The following GSDMC variants were observed in gnomAD, a reference collection of about 807,000 sequenced individuals.
GSDMC encodes gasdermin C.
In GSDMC, 59 loss-of-function variants were observed where a neutral mutation model predicts 58.0. The ratio of observed to expected loss-of-function variants is 1.02; its 90% confidence interval spans 0.82 to 1.26. The LOEUF (loss-of-function observed/expected upper bound fraction) is 1.26, where lower values mean the gene tolerates loss of function less well. GSDMC is among the 50% of genes most tolerant of loss of function. The pLI, the probability that GSDMC is intolerant of heterozygous loss-of-function variation, is 0.00. For synonymous variants in GSDMC, 241 were observed against 220.2 expected (o/e 1.09, Z -0.83); for missense variants, 659 against 598.5 (o/e 1.10, Z -1.06).
intron 8 of GSDMC, 91 bp downstream of exon 8, chr8:129,752,015 C>T: frequency 1.2e-5 from 18 of 1,461,956 alleles, no homozygotes; most frequent in Non-Finnish European, 1.5e-5. Context: ...AGAGGCCAGA[C>T]CCCAAGACTT....
chr8:129,715,366 G>A, the GSDMC span, among the ~76,000 whole-genome samples: 2 of 151,832 alleles, frequency 1.3e-5, no homozygotes, highest in East Asian at 3.9e-4. Context: ...TGTAATATAG[G>A]AACACAAAAA....
the GSDMC span, chr8:129,729,190 A>C: frequency 1.5e-6 from 1 of 660,222 alleles, no homozygotes; most frequent in Non-Finnish European, 2.9e-6. Flanking sequence ...GTCAGCAATA[A>C]GCTGCATTTA....
chr8:129,712,843 G>A, the GSDMC span, among the ~76,000 whole-genome samples: 5 of 152,226 alleles, frequency 3.3e-5, no homozygotes, highest in African/African-American at 7.2e-5. Context: ...GGGCAGCAGG[G>A]AGGCTCAGAG....
At chr8:129,777,977 T>C (rs2034294590) in intron 1 of GSDMC, among the ~76,000 whole-genome samples, 1 of 152,156 alleles carries the variant, frequency 6.6e-6, no homozygotes, top group Non-Finnish European at 1.5e-5. Flanking sequence ...AAAGCCTGGG[T>C]ATCTCCTCAC....
chr8:129,716,445 T>C, the GSDMC span, among the ~76,000 whole-genome samples: 1 of 152,160 alleles, frequency 6.6e-6, no homozygotes, highest in Non-Finnish European at 1.5e-5. Context: ...TAGGAATGCT[T>C]GTGATTTTTG....
At chr8:129,712,768 C>A in the GSDMC span, among the ~76,000 whole-genome samples, 1 of 152,196 alleles carries the variant, frequency 6.6e-6, no homozygotes, top group Non-Finnish European at 1.5e-5. Flanking sequence ...ACAGGCAACC[C>A]AAGTGAGACC....
At chr8:129,751,690 A>C (rs2033198796) in intron 9 of GSDMC, 122 bp from the exon 10 acceptor site, 2 of 1,097,418 alleles carry the variant, frequency 1.8e-6, no homozygotes, top group South Asian at 1.3e-5. Context: ...TCCTGCCCCC[A>C]TTCCCATTCA....
chr8:129,708,313 G>C, the GSDMC span, among the ~76,000 whole-genome samples: 120 of 152,328 alleles, frequency 7.9e-4, no homozygotes, highest in African/African-American at 2.7e-3. Context: ...ACCCAGGCTA[G>C]TTAGGCCAGG....
At chr8:129,777,641 T>A in intron 1 of GSDMC, 50 bp from the exon 2 acceptor site, 8 of 924,560 alleles carry the variant, frequency 8.7e-6, no homozygotes, top group Non-Finnish European at 1.4e-5. Flanking sequence ...AGAAAATGGT[T>A]AAACTCTCAC....
At chr8:129,781,515 C>T (rs559096076) in intron 1 of GSDMC, among the ~76,000 whole-genome samples, 30 of 152,198 alleles carry the variant, frequency 2.0e-4, no homozygotes, top group South Asian at 4.1e-4. Context: ...GAGGCCGAGA[C>T]GGGCAGATCA....
At chr8:129,752,212 C>G in intron 7 of GSDMC, 65 bp from the exon 8 acceptor site, 5 of 1,226,816 alleles carry the variant, frequency 4.1e-6, no homozygotes, top group Non-Finnish European at 6.0e-6. Flanking sequence ...TCCTCCTCTA[C>G]TTCTTTCCCT....
chr8:129,725,788 A>G, the GSDMC span, among the ~76,000 whole-genome samples: 1 of 152,182 alleles, frequency 6.6e-6, no homozygotes, highest in Admixed American at 6.5e-5. Context: ...AATGAAGCTC[A>G]AAGATTTTGA....
At chr8:129,719,603 C>T in the GSDMC span, among the ~76,000 whole-genome samples, 33 of 152,222 alleles carry the variant, frequency 2.2e-4, no homozygotes, top group African/African-American at 6.5e-4. Flanking sequence ...GGAATACTTA[C>T]GGAGGTAGAT....
intron 13 of GSDMC, among the ~76,000 whole-genome samples, chr8:129,748,963 TC>T (rs111527332): frequency 0.2 from 31,027 of 152,006 alleles, 3,613 homozygotes; most frequent in Middle Eastern, 0.27. Context: ...AAAATAAAAC[TC>T]CCCTTGTAGA....
At chr8:129,743,530 C>G (rs2032906743), downstream of GSDMC, among the ~76,000 whole-genome samples, 1 of 152,200 alleles carries the variant, frequency 6.6e-6, no homozygotes, top group African/African-American at 2.4e-5. Flanking sequence ...AGCTAACCCA[C>G]CATCGTCATC....
At chr8:129,720,553 CT>C in the GSDMC span, among the ~76,000 whole-genome samples, 1 of 152,098 alleles carries the variant, frequency 6.6e-6, no homozygotes, top group Non-Finnish European at 1.5e-5. Flanking sequence ...GTTATTCTAT[CT>C]GTATATATAC....
intron 6 of GSDMC, among the ~76,000 whole-genome samples, chr8:129,755,387 T>G (rs912575883): frequency 1.3e-5 from 2 of 152,140 alleles, no homozygotes; most frequent in Non-Finnish European, 2.9e-5. Context: ...CCTCCAAGGA[T>G]GAAGGAGAAA....
At chr8:129,769,425 T>C (rs1240006501) in intron 3 of GSDMC, among the ~76,000 whole-genome samples, 1 of 152,192 alleles carries the variant, frequency 6.6e-6, no homozygotes, top group Non-Finnish European at 1.5e-5. Context: ...TAAGAGAATA[T>C]GACAGACTGG....
chr8:129,722,355 G>C, the GSDMC span, among the ~76,000 whole-genome samples: 1 of 152,136 alleles, frequency 6.6e-6, no homozygotes, highest in African/African-American at 2.4e-5. Context: ...TTTTATTTCT[G>C]GTAGCCCAAC....
Sources: allele counts gnomAD v4.1 joint callset (sites outside exome capture counted in the v4.1 genomes callset), GRCh38; gene constraint gnomAD v4.1.1; transcripts MANE v1.5; gene names NCBI Gene and HGNC (gene_info 2026-07-23, HGNC 2026-07-21).